Variants in TESC observed in about 807,000 individuals in gnomAD.
TESC encodes calcineurin B homologous protein 3.
Under a neutral mutation model 31.0 loss-of-function variants are expected in TESC, and 19 were observed. The observed-to-expected ratio is 0.61, with a 90% CI of 0.43 to 0.90. The LOEUF (loss-of-function observed/expected upper bound fraction) is 0.90, where lower values mean the gene tolerates loss of function less well. TESC is among the 40% of genes least tolerant of loss of function. TESC has a pLI of 0.00. For missense variants in TESC, 248 were observed against 303.8 expected (o/e 0.82, Z 1.36); for synonymous variants, 109 against 114.8 (o/e 0.95, Z 0.32).
intron 4 of TESC, chr12:117,048,618 T>C (rs1954602109): frequency 4.1e-5 from 18 of 437,656 alleles, no homozygotes; most frequent in South Asian, 3.0e-4. Context: ...GAGCGCTTCC[T>C]GTGTGCCAAA....
At chr12:117,098,419 C>G (rs930020286) in intron 1 of TESC, 1 of 152,522 alleles carries the variant, frequency 6.6e-6, no homozygotes, top group East Asian at 1.9e-4. Flanking sequence ...CCAGTCCACA[C>G]CCTGGTCCAC....
At chr12:117,064,882 G>A (rs1487892561) in intron 2 of TESC, among the ~76,000 whole-genome samples, 1 of 152,214 alleles carries the variant, frequency 6.6e-6, no homozygotes, top group Non-Finnish European at 1.5e-5. Flanking sequence ...ACCCCACAGT[G>A]CCCAGGACAA....
intron 1 of TESC, among the ~76,000 whole-genome samples, chr12:117,088,764 C>T (rs1378405237): frequency 6.6e-6 from 1 of 151,528 alleles, no homozygotes; most frequent in African/African-American, 2.4e-5. Context: ...GGATATAATA[C>T]AGATTCTACC....
At chr12:117,041,732 C>T (rs948656805) in intron 7 of TESC, among the ~76,000 whole-genome samples, 2 of 152,232 alleles carry the variant, frequency 1.3e-5, no homozygotes, top group East Asian at 3.9e-4. Context: ...ATTGTTTTGA[C>T]TACGTGTGAA....
rs1345774403 is a variant in TESC at position 117,049,177 on chromosome 12, G to A, written c.210-19C>T. 3 of 1,613,870 alleles carry A rather than the reference G, an allele frequency of 1.9e-6. No homozygotes were observed. The highest frequency in any genetic ancestry group is 1.7e-5 in the Admixed American group (1 of 60,008). On this transcript the variant is annotated intron_variant, in intron 3 of 7. Coordinates refer to ENST00000335209, the MANE Select transcript of TESC (RefSeq NM_017899.4). Reference sequence around the variant, plus strand: ...CAGGTTCCTACGGGAGCAACAAGGAGGGTGTTGGAAATAAATGAAGAACTG... The same window carrying A: ...CAGGTTCCTACGGGAGCAACAAGGAAGGTGTTGGAAATAAATGAAGAACTG...
At chr12:117,089,373 T>C (rs1955273268) in intron 1 of TESC, among the ~76,000 whole-genome samples, 1 of 151,166 alleles carries the variant, frequency 6.6e-6, no homozygotes, top group African/African-American at 2.4e-5. Flanking sequence ...CCAAGGGGAG[T>C]TGGGAAAAAG....
chr12:117,047,575 C>T (rs1954586683), intron 4 of TESC, among the ~76,000 whole-genome samples: 1 of 152,104 alleles, frequency 6.6e-6, no homozygotes, highest in African/African-American at 2.4e-5. Flanking sequence ...CAGGTGCACG[C>T]CGCCATGCCC....
intron 4 of TESC, among the ~76,000 whole-genome samples, chr12:117,047,639 G>T (rs1419141578): frequency 6.6e-6 from 1 of 152,048 alleles, no homozygotes; most frequent in Non-Finnish European, 1.5e-5. Flanking sequence ...GGCCAGGCTG[G>T]TCTCAAACTC....
chr12:117,072,053 G>A (rs1166422993), intron 2 of TESC, among the ~76,000 whole-genome samples: 6 of 152,172 alleles, frequency 3.9e-5, no homozygotes, highest in South Asian at 2.1e-4. Flanking sequence ...CCCATTGTAA[G>A]CTTATGATGG....
intron 3 of TESC, among the ~76,000 whole-genome samples, chr12:117,052,010 G>A (rs1043238100): frequency 9.2e-5 from 14 of 152,122 alleles, no homozygotes; most frequent in African/African-American, 3.1e-4. Context: ...CTGGCCATAC[G>A]CAATCCTACT....
chr12:117,074,735 G>A (rs1281183998), intron 2 of TESC, among the ~76,000 whole-genome samples: 1 of 152,162 alleles, frequency 6.6e-6, no homozygotes, highest in Non-Finnish European at 1.5e-5. Flanking sequence ...TGAGGCATGG[G>A]GTGGCTGAAG....
chr12:117,078,632 T>C (rs905805777), intron 1 of TESC, among the ~76,000 whole-genome samples: 2 of 152,176 alleles, frequency 1.3e-5, no homozygotes, highest in Non-Finnish European at 1.5e-5. Flanking sequence ...ATTCCACATA[T>C]ACTGCCTAAA....
intron 6 of TESC, among the ~76,000 whole-genome samples, 197 bp from the exon 7 acceptor site, chr12:117,042,191 A>G (rs922602490): frequency 6.6e-6 from 1 of 152,170 alleles, no homozygotes; most frequent in Non-Finnish European, 1.5e-5. Context: ...CTGAACCTCC[A>G]ATATCCTCAT....
intron 1 of TESC, among the ~76,000 whole-genome samples, chr12:117,081,089 C>T (rs1955141317): frequency 6.6e-6 from 1 of 152,134 alleles, no homozygotes; most frequent in Non-Finnish European, 1.5e-5. Flanking sequence ...TTTAACTGGC[C>T]TAATCTTTTG....
chr12:117,091,035 T>A (rs1262252002), intron 1 of TESC, among the ~76,000 whole-genome samples: 1 of 152,134 alleles, frequency 6.6e-6, no homozygotes, highest in African/African-American at 2.4e-5. Context: ...AACGGAAGGC[T>A]TGCTCCTGAC....
intron 1 of TESC, 58 bp downstream of exon 1, chr12:117,099,167 A>G: frequency 1.4e-6 from 2 of 1,457,010 alleles, no homozygotes; most frequent in Admixed American, 2.5e-5. Flanking sequence ...GGGGTCCCCA[A>G]CAGTGGCCGT....
intron 6 of TESC, among the ~76,000 whole-genome samples, chr12:117,045,306 C>T (rs1954541823): frequency 6.6e-6 from 1 of 152,166 alleles, no homozygotes; most frequent in Non-Finnish European, 1.5e-5. Context: ...TCCCAGGCTG[C>T]GGGGGTTTTA....
intron 1 of TESC, among the ~76,000 whole-genome samples, chr12:117,077,724 G>A (rs935512667): frequency 6.6e-6 from 1 of 152,196 alleles, no homozygotes; most frequent in African/African-American, 2.4e-5. Flanking sequence ...GATAGTGGCT[G>A]CTCTTAAGGG....
intron 1 of TESC, among the ~76,000 whole-genome samples, chr12:117,091,616 A>T (rs74327598): frequency 0.054 from 8,294 of 152,258 alleles, 295 homozygotes; most frequent in Middle Eastern, 0.095. Context: ...ATTCTTTTGA[A>T]ACAGACCTGA....
Sources: gnomAD v4.1 joint callset for allele counts (sites outside exome capture counted in the v4.1 genomes callset) on GRCh38, gnomAD v4.1.1 for gene constraint, MANE v1.5 for transcripts, NCBI Gene and HGNC (gene_info 2026-07-23, HGNC 2026-07-21) for gene names.